The following CEP43 variants were observed in gnomAD, a reference collection of about 807,000 sequenced individuals.
CEP43 encodes FGFR1 oncogene partner.
Under a neutral mutation model 52.6 loss-of-function variants are expected in CEP43, and 36 were observed. The ratio of observed to expected loss-of-function variants is 0.68; its 90% CI spans 0.52 to 0.90. CEP43 has a LOEUF of 0.90. CEP43 is among the 40% of genes least tolerant of loss of function. The pLI is 0.00. For missense variants in CEP43, 506 were observed against 472.8 expected, an observed-to-expected ratio of 1.07 and a Z score of -0.65; for synonymous variants, 192 against 172.4, an observed-to-expected ratio of 1.11 and a Z score of -0.89.
Position 167,040,736 on chromosome 6 carries a change from A to AT in CEP43, c.*760dup. ...TCATTATAATTTATTATCTGTAAAG[A>AT]TTCCTTGAAACTTAAATGCATCTGA... On this transcript the variant is annotated 3_prime_UTR_variant, in exon 13 of 13. Transcript: ENST00000366847. 1.3e-6 allele frequency: 1 copy of AT among 766,358 alleles called. No homozygotes were observed. The highest frequency in any genetic ancestry group is 5.6e-5 in the South Asian group (1 of 17,982). The allele number at this position is 766,358 out of a possible 1,614,324, so 47.5% of individuals were successfully genotyped here.
At chr6:167,035,838 A>G (rs570140719) in intron 12 of CEP43, among the ~76,000 whole-genome samples, 6 of 152,140 alleles carry the variant, frequency 3.9e-5, no homozygotes, top group Non-Finnish European at 5.9e-5. Context: ...AAGTGCTGGG[A>G]TTACAGGCGT....
Position 167,044,615 on chromosome 6 carries a change from C to T in CEP43, c.*4637C>T. ...CGTTTTTGAATGTGAAATTTATTCC[C>T]TGATACATGTTTTTAAAAATGAATC... On this transcript the variant is annotated 3_prime_UTR_variant, in exon 13 of 13. Coordinates refer to ENST00000366847, the MANE Select transcript of CEP43 (RefSeq NM_007045.4). The T allele has an allele frequency of 1.1e-6, 1 of 873,810 alleles. No homozygotes were observed. The highest frequency in any genetic ancestry group is 1.4e-6 in the Non-Finnish European group (1 of 728,112). 54.1% of individuals were successfully genotyped at this position (873,810 alleles called of 1,614,324 possible).
At chr6:167,004,947 G>A (rs1036721488) in intron 5 of CEP43, among the ~76,000 whole-genome samples, 9 of 152,136 alleles carry the variant, frequency 5.9e-5, no homozygotes, top group African/African-American at 2.2e-4. Context: ...TTTTTGATCA[G>A]TAGTACTTTT....
chr6:167,016,243 C>T (rs1160295501), intron 7 of CEP43, among the ~76,000 whole-genome samples: 1 of 152,036 alleles, frequency 6.6e-6, no homozygotes, highest in Non-Finnish European at 1.5e-5. Context: ...ATCCTTTCTT[C>T]TTACAAATAG....
chr6:167,040,697 G>A lies in CEP43; in HGVS notation c.*719G>A. ...CCTGTTATCCATGTAAGCAGCTTTA[G>A]TCGTAGGTTCTCTTCATTATAATTT... On this transcript the variant is annotated 3_prime_UTR_variant, in exon 13 of 13. Coordinates refer to ENST00000366847, the MANE Select transcript of CEP43 (RefSeq NM_007045.4). 1 of 1,020,038 alleles carries A rather than the reference G, an allele frequency of 9.8e-7. No individual in the cohort carries two copies. Among genetic ancestry groups the A allele is most frequent in the Non-Finnish European group, 1.2e-6 (1 of 848,700 alleles). The allele number at this position is 1,020,038 out of a possible 1,614,324, so 63.2% of individuals were successfully genotyped here.
intron 7 of CEP43, among the ~76,000 whole-genome samples, chr6:167,013,928 G>A (rs1052486878): frequency 4.6e-5 from 7 of 152,184 alleles, no homozygotes; most frequent in African/African-American, 1.4e-4. Context: ...AGCTGAAATC[G>A]TGCCATTGCA....
chr6:167,033,974 A>T lies in CEP43; in HGVS notation c.1125+3A>T. The T allele has an allele frequency of 7.1e-7, 1 of 1,404,640 alleles. No individual in the cohort carries two copies. Among genetic ancestry groups the T allele is most frequent in the Non-Finnish European group, 9.9e-7 (1 of 1,013,578 alleles). 87.0% of individuals were successfully genotyped at this position (1,404,640 alleles called of 1,614,324 possible). On this transcript the variant is annotated splice_donor_region_variant and intron_variant, in intron 12 of 12. Transcript: ENST00000366847. ...ATGACATCAATACCAGTGATAAGGT[A>T]TGGTGTTCTGCATTTCCCATAGAGT...
At chr6:167,022,359 T>TA (rs1313608301) in intron 7 of CEP43, 50 bp from the exon 8 acceptor site, 3 of 1,313,546 alleles carry the variant, frequency 2.3e-6, no homozygotes, top group Non-Finnish European at 3.2e-6. Flanking sequence ...GAAAATATCT[T>TA]AAAGTTTTAT....
chr6:167,024,793 C>T lies in CEP43; in HGVS notation c.818C>T (p.Pro273Leu), dbSNP rs776968306. 1.2e-6 allele frequency: 2 copies of T among 1,612,938 alleles called. No individual in the cohort carries two copies. Among genetic ancestry groups the T allele is most frequent in the East Asian group, 2.2e-5 (1 of 44,842 alleles). The change falls in exon 9 of 13, where the codon CCT (proline) becomes CTT (leucine). Residue 273 changes from proline (P) to leucine (L), a missense_variant. By Grantham distance (98) the Pro-to-Leu change is moderately conservative. Coordinates refer to ENST00000366847, the MANE Select transcript of CEP43 (RefSeq NM_007045.4). ...TTGTTTCTTGTTAGGAGGAAGGAAC[C>T]TAGGAAGCAAGCAGGAAGTCTGGCC... ...PEKTYGLRKE[P>L]RKQAGSLASL...
intron 7 of CEP43, 83 bp downstream of exon 7, chr6:167,013,650 T>A: frequency 9.1e-7 from 1 of 1,100,362 alleles, no homozygotes. Flanking sequence ...GCTGGGCTCC[T>A]GTCAGATTGG....
At chr6:167,026,644 T>G (rs779295438) in intron 10 of CEP43, 29 bp downstream of exon 10, 1 of 1,372,626 alleles carries the variant, frequency 7.3e-7, no homozygotes, top group Admixed American at 1.7e-5. Context: ...TTTGTGCTGA[T>G]CGTTTTAAAG....
At chr6:167,010,760 A>T (rs566930008) in intron 5 of CEP43, 53 bp from the exon 6 acceptor site, 175 of 854,834 alleles carry the variant, frequency 2.0e-4, no homozygotes, top group African/African-American at 1.0e-3. Context: ...TGTAATTGGT[A>T]TATTTGTGTT....
rs1780796379 is a variant in CEP43 at position 167,046,386 on chromosome 6, T to TGGAAGGAGGAA, written c.*6416_*6426dup. 1.3e-5 allele frequency: 2 copies of TGGAAGGAGGAA among 150,692 alleles called. No individual in the cohort carries two copies. The highest frequency in any genetic ancestry group is 4.9e-5 in the African/African-American group (2 of 40,890). 9.3% of individuals were successfully genotyped at this position (150,692 alleles called of 1,614,324 possible). On this transcript the variant is annotated 3_prime_UTR_variant, in exon 13 of 13. Transcript: ENST00000366847. The stretch of plus-strand genomic sequence containing the variant: ...AAAATGGAATGGAGGAAGGGAAAAA[T>TGGAAGGAGGAA]GGAAGGAGGAAGGAAGGAAGGGAAA...
At chr6:167,023,160 G>A (rs951110664) in intron 8 of CEP43, among the ~76,000 whole-genome samples, 33 of 152,172 alleles carry the variant, frequency 2.2e-4, no homozygotes, top group Non-Finnish European at 4.6e-4. Flanking sequence ...GCAGGGAGGC[G>A]AGTTGGGGGT....
chr6:167,002,958 C>T (rs949182487), intron 2 of CEP43, among the ~76,000 whole-genome samples: 2 of 152,152 alleles, frequency 1.3e-5, no homozygotes, highest in African/African-American at 2.4e-5. Flanking sequence ...AAATATCTAG[C>T]TTCAAAAGCA....
Position 166,999,438 on chromosome 6 carries a change from T to C in CEP43, c.26T>C (p.Val9Ala). ...ATGGCGGCGACGGCGGCCGCAGTGG[T>C]GGCCGAGGAGGACACGGAGCTGCGG... Reference protein sequence around the residue: MAATAAAVVAEEDTELRDL... With the variant: MAATAAAVAAEEDTELRDL... Residue 9 changes from valine to alanine, a missense_variant, in exon 1 of 13, where the codon GTG becomes GCG. Physicochemically the swap from Val to Ala is moderately conservative, Grantham distance 64. Coordinates refer to ENST00000366847, the MANE Select transcript of CEP43 (RefSeq NM_007045.4). 2 of 1,479,104 alleles carry C rather than the reference T, an allele frequency of 1.4e-6. No homozygotes were observed. Among genetic ancestry groups the C allele is most frequent in the Non-Finnish European group, 1.8e-6 (2 of 1,112,214 alleles). 91.6% of individuals were successfully genotyped at this position (1,479,104 alleles called of 1,614,324 possible).
intron 3 of CEP43, 80 bp downstream of exon 3, chr6:167,003,327 CA>C: frequency 1.3e-6 from 1 of 764,772 alleles, no homozygotes; most frequent in East Asian, 2.8e-5. Context: ...TCAGGAATTT[CA>C]GGGCTTTTTT....
rs774683787 is a variant in CEP43 at position 167,024,909 on chromosome 6, A to G, written c.919+15A>G. On this transcript the variant is annotated intron_variant, in intron 9 of 12. Coordinates refer to ENST00000366847, the MANE Select transcript of CEP43 (RefSeq NM_007045.4). ...AGACTCTGAGAGTAAGTGCCCAAAG[A>G]TGTGGACTTCAATACTCGGGATATT... 1 of 1,365,396 alleles carries G rather than the reference A, an allele frequency of 7.3e-7. No individual in the cohort carries two copies. Among genetic ancestry groups the G allele is most frequent in the South Asian group, 1.2e-5 (1 of 82,884 alleles). The allele number at this position is 1,365,396 out of a possible 1,614,324, so 84.6% of individuals were successfully genotyped here.
At position 167,003,219 on chromosome 6, in the gene CEP43, C is replaced by T; in HGVS notation, c.183C>T (p.Ser61=). Residue 61 remains serine (S), a synonymous_variant, in exon 3 of 13, where the codon AGC becomes AGT. Transcript: ENST00000366847. ...ACAAAACTCCTTTAGTTAATGAGAG[C>T]CTGAAAAAGTTTTTAAATACCAAAG... ...VENKTPLVNE[S]LKKFLNTKDG... The T allele has an allele frequency of 6.7e-7, 1 of 1,501,908 alleles. No homozygotes were observed. Among genetic ancestry groups the T allele is most frequent in the African/African-American group, 1.4e-5 (1 of 69,996 alleles). The allele number at this position is 1,501,908 out of a possible 1,614,324, so 93.0% of individuals were successfully genotyped here. A position where few individuals can be genotyped will look rare whatever the true frequency, so the allele number is the denominator to read the frequency against.
Sources: gnomAD v4.1 joint callset for allele counts (sites outside exome capture counted in the v4.1 genomes callset) on GRCh38, gnomAD v4.1.1 for gene constraint, MANE v1.5 for transcripts, NCBI Gene and HGNC (gene_info 2026-07-23, HGNC 2026-07-21) for gene names.